Variants in CEP83 observed in about 807,000 individuals in gnomAD.
CEP83 encodes centrosomal protein of 83 kDa.
In CEP83, 70 loss-of-function variants were observed where a neutral mutation model predicts 101.9. That is an observed-to-expected ratio of 0.69 (90% CI 0.57 to 0.84). The LOEUF (loss-of-function observed/expected upper bound fraction) is 0.84, where lower values mean the gene tolerates loss of function less well. Among genes scored for constraint, CEP83 ranks in the 40% least tolerant of loss-of-function variants. The pLI, the probability that CEP83 is intolerant of heterozygous loss-of-function variation, is 0.00. For missense variants in CEP83, 715 were observed against 787.2 expected (o/e 0.91, Z 1.10); for synonymous variants, 264 against 267.9 (o/e 0.99, Z 0.14).
At chr12:94,348,800 C>G (rs2136731031) in intron 11 of CEP83, among the ~76,000 whole-genome samples, 1 of 152,324 alleles carries the variant, frequency 6.6e-6, no homozygotes, top group South Asian at 2.1e-4. Flanking sequence ...CAATTCTTCT[C>G]TACGACAATG....
At chr12:94,274,511 G>A in the CEP83 span, among the ~76,000 whole-genome samples, 15 of 152,212 alleles carry the variant, frequency 9.9e-5, no homozygotes, top group East Asian at 1.9e-3. Flanking sequence ...CTGGTTGGAC[G>A]ACAAACCAGA....
intron 9 of CEP83, chr12:94,368,889 T>C (rs1376578395): frequency 3.3e-5 from 5 of 152,214 alleles, no homozygotes; most frequent in Non-Finnish European, 5.9e-5. Flanking sequence ...GACACGGTGT[T>C]AGCACCTGTA....
chr12:94,338,119 A>C (rs1018833969), intron 11 of CEP83, among the ~76,000 whole-genome samples: 3 of 152,214 alleles, frequency 2.0e-5, no homozygotes, highest in African/African-American at 7.2e-5. Flanking sequence ...GGTGACGACA[A>C]GGTCCAAGAA....
intron 1 of CEP83, among the ~76,000 whole-genome samples, chr12:94,439,531 C>A: frequency 6.8e-6 from 1 of 147,508 alleles, no homozygotes; most frequent in East Asian, 2.0e-4. Flanking sequence ...AAGATTGAAA[C>A]AGTAATAAAC....
At chr12:94,386,879 GTATA>G (rs745549493) in intron 6 of CEP83, among the ~76,000 whole-genome samples, 2 of 152,070 alleles carry the variant, frequency 1.3e-5, no homozygotes, top group African/African-American at 2.4e-5. Flanking sequence ...TTTTTTAAAA[GTATA>G]TATAAAGATA....
chr12:94,292,136 T>G, the CEP83 span, among the ~76,000 whole-genome samples: 1 of 152,250 alleles, frequency 6.6e-6, no homozygotes, highest in Non-Finnish European at 1.5e-5. Context: ...GAACTACTTG[T>G]AGTTGCAACA....
the CEP83 span, among the ~76,000 whole-genome samples, chr12:94,270,353 T>C: frequency 6.6e-6 from 1 of 152,254 alleles, no homozygotes; most frequent in East Asian, 1.9e-4. Flanking sequence ...GGAGTAGTTG[T>C]CACAGAGATC....
chr12:94,380,804 A>G (rs774346325), intron 6 of CEP83, among the ~76,000 whole-genome samples: 11 of 152,198 alleles, frequency 7.2e-5, no homozygotes, highest in Non-Finnish European at 1.3e-4. Context: ...TTTTACACAT[A>G]GGGTCACACA....
chr12:94,269,189 G>A, the CEP83 span, among the ~76,000 whole-genome samples: 4 of 152,156 alleles, frequency 2.6e-5, no homozygotes, highest in Admixed American at 1.3e-4. Context: ...CTTAGAAAAC[G>A]AGCTTGCCAA....
intron 1 of CEP83, among the ~76,000 whole-genome samples, chr12:94,439,443 A>C (rs1409453220): frequency 2.0e-5 from 3 of 152,172 alleles, no homozygotes; most frequent in African/African-American, 7.2e-5. Flanking sequence ...AGATGGATAA[A>C]TTCCTGAAAA....
chr12:94,391,383 C>A (rs1300798722), intron 6 of CEP83, among the ~76,000 whole-genome samples: 1 of 152,146 alleles, frequency 6.6e-6, no homozygotes, highest in African/African-American at 2.4e-5. Context: ...AACTAAGCTT[C>A]GTAAGTGAAG....
At chr12:94,330,799 A>T (rs934517850) in intron 14 of CEP83, among the ~76,000 whole-genome samples, 4 of 152,224 alleles carry the variant, frequency 2.6e-5, no homozygotes, top group Non-Finnish European at 1.5e-5. Flanking sequence ...TATCACTCTG[A>T]AAAACACCTT....
At chr12:94,369,717 C>A in intron 9 of CEP83, 1 of 394,742 alleles carries the variant, frequency 2.5e-6, no homozygotes, top group Non-Finnish European at 4.5e-6. Context: ...ATGATAAAAA[C>A]ATAAGACTGA....
At chr12:94,295,818 C>T in the CEP83 span, among the ~76,000 whole-genome samples, 1 of 152,214 alleles carries the variant, frequency 6.6e-6, no homozygotes, top group Admixed American at 6.5e-5. Flanking sequence ...CAATTCAACT[C>T]TGTGTTGTCC....
intron 8 of CEP83, among the ~76,000 whole-genome samples, chr12:94,373,164 T>C (rs2061378977): frequency 6.6e-6 from 1 of 152,122 alleles, no homozygotes; most frequent in Non-Finnish European, 1.5e-5. Context: ...AAATGTTGCA[T>C]AAAATTTCAA....
chr12:94,378,713 G>A, intron 7 of CEP83, 78 bp downstream of exon 7: 2 of 1,478,730 alleles, frequency 1.4e-6, no homozygotes, highest in Admixed American at 3.8e-5. Flanking sequence ...ATACATTTAT[G>A]CTCTAAAAAT....
chr12:94,306,660 T>C (rs1969051194), downstream of CEP83: 1 of 152,190 alleles, frequency 6.6e-6, no homozygotes. Flanking sequence ...CAAATAACAT[T>C]GATCACATAT....
chr12:94,316,615 CCT>C (rs1970730634), intron 14 of CEP83, among the ~76,000 whole-genome samples: 1 of 152,024 alleles, frequency 6.6e-6, no homozygotes, highest in East Asian at 1.9e-4. Context: ...CTGTTGCTCC[CCT>C]TTGTGTCCAT....
intron 14 of CEP83, among the ~76,000 whole-genome samples, chr12:94,321,044 A>G (rs1593133388): frequency 6.6e-6 from 1 of 151,976 alleles, no homozygotes; most frequent in African/African-American, 2.4e-5. Context: ...ACATAATCTC[A>G]TATTTCTTGG....
Sources: gnomAD v4.1 joint callset for allele counts (sites outside exome capture counted in the v4.1 genomes callset) on GRCh38, gnomAD v4.1.1 for gene constraint, MANE v1.5 for transcripts, NCBI Gene and HGNC (gene_info 2026-07-23, HGNC 2026-07-21) for gene names.